Variants in LBP observed in about 807,000 individuals in gnomAD.
LBP encodes the protein lipopolysaccharide binding protein.
Under a neutral mutation model 56.6 loss-of-function variants are expected in LBP, and 53 were observed. The ratio of observed to expected loss-of-function variants is 0.94; its 90% CI spans 0.75 to 1.18. The LOEUF is 1.18. Ranked by LOEUF, LBP falls within the 50% of genes most tolerant of loss-of-function variation. The pLI is 0.00. For synonymous variants in LBP, 227 were observed against 247.5 expected (o/e 0.92, Z 0.78); for missense variants, 601 against 598.3 (o/e 1.00, Z -0.05).
At chr20:38,375,291 T>A (rs550436170) in intron 14 of LBP, among the ~76,000 whole-genome samples, 8 of 151,166 alleles carry the variant, frequency 5.3e-5, no homozygotes, top group South Asian at 2.1e-4. Flanking sequence ...TTAAAACAAA[T>A]TTTTTTTTAG....
At chr20:38,360,048 T>A (rs554501853) in intron 5 of LBP, among the ~76,000 whole-genome samples, 1 of 152,146 alleles carries the variant, frequency 6.6e-6, no homozygotes, top group African/African-American at 2.4e-5. Flanking sequence ...GGTCAGGAGT[T>A]CAAGACCAGC....
At chr20:38,359,436 G>A (rs2076852015) in intron 5 of LBP, among the ~76,000 whole-genome samples, 1 of 152,046 alleles carries the variant, frequency 6.6e-6, no homozygotes, top group Admixed American at 6.6e-5. Flanking sequence ...ACAAAAATTA[G>A]CAGGGTGTGG....
chr20:38,368,781 G>A (rs542591751), intron 9 of LBP, among the ~76,000 whole-genome samples: 5 of 152,200 alleles, frequency 3.3e-5, no homozygotes, highest in South Asian at 2.1e-4. Flanking sequence ...CATACATAAC[G>A]AAATACAACA....
At chr20:38,368,772 A>T (rs2076891248) in intron 9 of LBP, among the ~76,000 whole-genome samples, 1 of 152,194 alleles carries the variant, frequency 6.6e-6, no homozygotes, top group South Asian at 2.1e-4. Context: ...CGCAGGACCC[A>T]TACATAACGA....
Position 38,370,815 on chromosome 20 carries a change from C to T in LBP, c.1217+10C>T, listed in dbSNP as rs775595672. On this transcript the variant is annotated intron_variant, in intron 11 of 14. Coordinates refer to ENST00000217407, the MANE Select transcript of LBP (RefSeq NM_004139.5). ...TCCTGAAGCCAGGAAAGTAAGTTGG[C>T]CTCCTACCTACATGGGGGTGCCCAG... The T allele has an allele frequency of 2.5e-6, 4 of 1,610,932 alleles. No individual in the cohort carries two copies.
chr20:38,367,044 T>G (rs6025204), intron 9 of LBP, among the ~76,000 whole-genome samples: 1 of 152,184 alleles, frequency 6.6e-6, no homozygotes, highest in Non-Finnish European at 1.5e-5. Context: ...CTTTTATTGG[T>G]GTTATCTAAG....
chr20:38,371,109 A>G (rs1355961258), intron 11 of LBP, among the ~76,000 whole-genome samples, 171 bp from the exon 12 acceptor site: 2 of 152,140 alleles, frequency 1.3e-5, no homozygotes, highest in Non-Finnish European at 2.9e-5. Context: ...AGTCTTCCCG[A>G]TGTCATTGTA....
chr20:38,350,862 T>C lies in LBP; in HGVS notation c.291T>C (p.Pro97=), dbSNP rs2232582. The C allele has an allele frequency of 0.17, 272,239 of 1,612,716 alleles. 25,928 individuals are homozygous for C. Among genetic ancestry groups the C allele is most frequent in the African/African-American group, 0.38 (28,557 of 74,976 alleles). The change falls in exon 3 of 15, where the codon CCT becomes CCC. Residue 97 remains proline, a synonymous_variant. Coordinates refer to ENST00000217407, the MANE Select transcript of LBP (RefSeq NM_004139.5). ...TTCACTCTGCGCTGAGGCCTGTCCCTGGCCAGGGCCTGAGTCTCAGCATCT... is the reference window on the plus strand; with the variant it reads ...TTCACTCTGCGCTGAGGCCTGTCCCCGGCCAGGGCCTGAGTCTCAGCATCT... The part of the protein sequence containing the change: ...ELLHSALRPV[P]GQGLSLSISD...
rs2076883180 is a variant in LBP, at chr20:38,366,688, TC to T, written c.922-76del. 6 of 1,289,350 alleles carry T rather than the reference TC, an allele frequency of 4.7e-6. No homozygotes were observed. In the Admixed American group the frequency reaches 5.0e-5, roughly 11 times the overall value. 79.9% of individuals were successfully genotyped at this position (1,289,350 alleles called of 1,614,324 possible). ...TGTGGAGAAGCGACAGTCTTGCACA[TC>T]CCCCTGTCTCCCCAATCTTCTTTAG... On this transcript the variant is annotated intron_variant, in intron 8 of 14. Coordinates refer to ENST00000217407, the MANE Select transcript of LBP (RefSeq NM_004139.5).
chr20:38,364,774 T>C, intron 8 of LBP, 22 bp downstream of exon 8: 1 of 1,588,668 alleles, frequency 6.3e-7, no homozygotes, highest in South Asian at 1.2e-5. Flanking sequence ...GGCAAACAGG[T>C]CTCTCAAATG....
intron 8 of LBP, among the ~76,000 whole-genome samples, chr20:38,365,926 A>G (rs1448725810): frequency 6.6e-6 from 1 of 152,084 alleles, no homozygotes; most frequent in African/African-American, 2.4e-5. Context: ...AAAAAGATAC[A>G]TGATTTCATG....
intron 5 of LBP, among the ~76,000 whole-genome samples, chr20:38,357,936 G>A (rs1004350445): frequency 6.6e-6 from 1 of 152,206 alleles, no homozygotes; most frequent in South Asian, 2.1e-4. Context: ...ATAATGAGCA[G>A]TGAGGATGAC....
chr20:38,370,835 GC>G, intron 11 of LBP, 30 bp downstream of exon 11: 14 of 1,567,840 alleles, frequency 8.9e-6, no homozygotes, highest in Non-Finnish European at 1.2e-5. Context: ...ACATGGGGGT[GC>G]CCAGCTGGAC....
chr20:38,346,639 T>C lies in LBP; in HGVS notation c.123T>C (p.Tyr41=), dbSNP rs762029524. Residue 41 remains tyrosine (Y), a splice_region_variant and synonymous_variant, in exon 1 of 15, where the codon TAT becomes TAC. Coordinates refer to ENST00000217407, the MANE Select transcript of LBP (RefSeq NM_004139.5). The part of the protein sequence containing the change: ...VARITDKGLQ[Y]AAQEGLLALQ... ...GGATCACCGACAAGGGACTGCAGTA[T>C]GGTAAGAAGCCACATCTGCTGGCTG... The C allele has an allele frequency of 6.2e-7, 1 of 1,613,268 alleles. No individual in the cohort carries two copies. Among genetic ancestry groups the C allele is most frequent in the Non-Finnish European group, 8.5e-7 (1 of 1,179,868 alleles).
chr20:38,347,176 CATTAAAA>C (rs2076804003), intron 1 of LBP, among the ~76,000 whole-genome samples: 1 of 152,190 alleles, frequency 6.6e-6, no homozygotes, highest in Non-Finnish European at 1.5e-5. Flanking sequence ...CCTGTATAAA[CATTAAAA>C]ATTATTTAGC....
intron 13 of LBP, among the ~76,000 whole-genome samples, chr20:38,373,628 T>C (rs1277598888): frequency 6.6e-6 from 1 of 152,222 alleles, no homozygotes; most frequent in African/African-American, 2.4e-5. Context: ...TTCTTTATCT[T>C]ATCATGAATG....
intron 6 of LBP, among the ~76,000 whole-genome samples, chr20:38,363,381 C>T (rs1169419032): frequency 6.6e-6 from 1 of 152,200 alleles, no homozygotes; most frequent in East Asian, 1.9e-4. Flanking sequence ...CTGTCCCTTG[C>T]TATTGCCAAC....
intron 5 of LBP, among the ~76,000 whole-genome samples, chr20:38,355,960 C>T (rs1334289384): frequency 6.6e-6 from 1 of 151,608 alleles, no homozygotes; most frequent in African/African-American, 2.4e-5. Context: ...TCTAAACACT[C>T]ATTCATCCCA....
intron 10 of LBP, 39 bp from the exon 11 acceptor site, chr20:38,370,697 CTT>C (rs768572488): frequency 2.7e-5 from 42 of 1,563,950 alleles, no homozygotes; most frequent in Non-Finnish European, 3.7e-5. Context: ...TACATACAAC[CTT>C]CATCACTTAC....
Sources: gnomAD v4.1 joint callset for allele counts (sites outside exome capture counted in the v4.1 genomes callset) on GRCh38, gnomAD v4.1.1 for gene constraint, MANE v1.5 for transcripts, NCBI Gene and HGNC (gene_info 2026-07-23, HGNC 2026-07-21) for gene names.